Variants in PKN2 observed in about 807,000 individuals in gnomAD.
The protein encoded by PKN2 is serine/threonine-protein kinase N2.
A neutral mutation model predicts 119.1 loss-of-function variants in PKN2; 38 were observed. The observed-to-expected ratio is 0.32, with a 90% confidence interval of 0.25 to 0.42. The LOEUF is 0.42. Ranked by LOEUF, PKN2 falls within the 10% of genes least tolerant of loss-of-function variation. The pLI is 1.00. For synonymous variants in PKN2, 390 were observed against 384.9 expected (o/e 1.01, Z -0.15); for missense variants, 850 against 1,165.1 (o/e 0.73, Z 3.94).
At chr1:88,773,271 A>T (rs1328150128) in intron 6 of PKN2, among the ~76,000 whole-genome samples, 1 of 149,998 alleles carries the variant, frequency 6.7e-6, no homozygotes, top group Non-Finnish European at 1.5e-5. Context: ...TCTCACTCTC[A>T]TTGCAGCCTC....
intron 17 of PKN2, 27 bp from the exon 18 acceptor site, chr1:88,824,282 TC>T: frequency 2.5e-6 from 3 of 1,178,264 alleles, no homozygotes; most frequent in Admixed American, 2.0e-5. Context: ...TTTTTTTTTT[TC>T]ATGCTGTATC....
intron 6 of PKN2, among the ~76,000 whole-genome samples, chr1:88,778,612 C>T (rs1173129893): frequency 6.6e-6 from 1 of 152,218 alleles, no homozygotes; most frequent in African/African-American, 2.4e-5. Context: ...ATTGTTTACC[C>T]CAACTGATCC....
At chr1:88,807,274 G>A (rs1156245041) in intron 12 of PKN2, 39 bp from the exon 13 acceptor site, 2 of 1,286,642 alleles carry the variant, frequency 1.6e-6, no homozygotes, top group Non-Finnish European at 2.1e-6. Context: ...TTGTTTTCTG[G>A]GTATTTCTAT....
intron 2 of PKN2, among the ~76,000 whole-genome samples, chr1:88,752,224 ACTTACT>A (rs1363086703): frequency 6.6e-6 from 1 of 152,082 alleles, no homozygotes; most frequent in Non-Finnish European, 1.5e-5. Context: ...CCTGTATCAA[ACTTACT>A]CTTTATCAAA....
chr1:88,815,742 C>T (rs1671960872), intron 16 of PKN2, among the ~76,000 whole-genome samples: 1 of 152,094 alleles, frequency 6.6e-6, no homozygotes, highest in Non-Finnish European at 1.5e-5. Context: ...ATTAAATAAG[C>T]TAATAAATGA....
intron 8 of PKN2, among the ~76,000 whole-genome samples, chr1:88,803,787 A>G (rs1671427920): frequency 2.0e-5 from 3 of 152,182 alleles, no homozygotes; most frequent in South Asian, 2.1e-4. Context: ...ATCTTTCTGT[A>G]TAAAGCTTGG....
At chr1:88,720,350 C>T (rs542825439) in intron 1 of PKN2, among the ~76,000 whole-genome samples, 2 of 152,100 alleles carry the variant, frequency 1.3e-5, no homozygotes, top group South Asian at 2.1e-4. Context: ...CTGATATACT[C>T]GTAGGCTTCA....
At chr1:88,823,024 G>A (rs936043599) in intron 17 of PKN2, among the ~76,000 whole-genome samples, 1 of 152,216 alleles carries the variant, frequency 6.6e-6, no homozygotes, top group East Asian at 1.9e-4. Flanking sequence ...TTTGAGACCC[G>A]CCTGGGCAAC....
At chr1:88,731,203 G>C (rs1668132707) in intron 1 of PKN2, among the ~76,000 whole-genome samples, 1 of 152,180 alleles carries the variant, frequency 6.6e-6, no homozygotes, top group South Asian at 2.1e-4. Flanking sequence ...AAGCAAACAG[G>C]TACAGATAAG....
intron 8 of PKN2, among the ~76,000 whole-genome samples, chr1:88,790,660 C>G (rs1318542198): frequency 6.6e-6 from 1 of 151,922 alleles, no homozygotes; most frequent in Non-Finnish European, 1.5e-5. Flanking sequence ...ACTTGGGTAT[C>G]TTTCATTCTT....
chr1:88,823,478 G>A (rs1389415975), intron 17 of PKN2, among the ~76,000 whole-genome samples: 1 of 151,952 alleles, frequency 6.6e-6, no homozygotes, highest in Non-Finnish European at 1.5e-5. Flanking sequence ...GAGGCAGGTG[G>A]ATCACCTGAG....
intron 1 of PKN2, among the ~76,000 whole-genome samples, chr1:88,739,164 G>A (rs1310056243): frequency 2.6e-5 from 4 of 151,852 alleles, no homozygotes; most frequent in South Asian, 2.1e-4. Flanking sequence ...TTTTGTTGGC[G>A]TTTCAAAGGA....
In PKN2 at chr1:88,835,715, C is replaced by T. The variant is rs1177565171; in HGVS notation, c.*2267C>T. 6.6e-6 allele frequency: 1 copy of T among 152,292 alleles called. No homozygotes were observed. The highest frequency in any genetic ancestry group is 1.9e-4 in the East Asian group (1 of 5,198). 9.4% of individuals were successfully genotyped at this position (152,292 alleles called of 1,614,324 possible). On this transcript the variant is annotated 3_prime_UTR_variant, in exon 22 of 22. Coordinates refer to ENST00000370521, the MANE Select transcript of PKN2 (RefSeq NM_006256.4). ...ATGCATTCAAATGAAATGTGCCTTT[C>T]ACTATGTCATTCTAAGAAAACAAGT...
At chr1:88,690,114 A>G (rs1413987261) in intron 1 of PKN2, among the ~76,000 whole-genome samples, 1 of 152,190 alleles carries the variant, frequency 6.6e-6, no homozygotes, top group Non-Finnish European at 1.5e-5. Context: ...GATTAGGTCT[A>G]GTATCATGCA....
At chr1:88,768,670 T>C (rs1471997232) in intron 3 of PKN2, among the ~76,000 whole-genome samples, 1 of 152,224 alleles carries the variant, frequency 6.6e-6, no homozygotes, top group Admixed American at 6.5e-5. Flanking sequence ...ATTGACATCT[T>C]CGAGTAGGTC....
intron 17 of PKN2, among the ~76,000 whole-genome samples, chr1:88,823,332 C>T (rs1024713407): frequency 6.6e-6 from 1 of 152,106 alleles, no homozygotes; most frequent in African/African-American, 2.4e-5. Context: ...AAGATGAAAC[C>T]TGCCCTCTGA....
intron 1 of PKN2, among the ~76,000 whole-genome samples, chr1:88,706,556 T>TA (rs1208198965): frequency 1.3e-5 from 2 of 152,304 alleles, no homozygotes; most frequent in African/African-American, 4.8e-5. Context: ...TTGTTCCTGA[T>TA]ATTAGGGAGA....
intron 6 of PKN2, among the ~76,000 whole-genome samples, chr1:88,781,414 A>ACAGCTACTCG (rs1557606851): frequency 2.0e-5 from 3 of 151,850 alleles, no homozygotes; most frequent in African/African-American, 2.4e-5. Flanking sequence ...ATACTGAATT[A>ACAGCTACTCG]GTGAAATAGG....
chr1:88,698,515 T>C (rs17130579), intron 1 of PKN2, among the ~76,000 whole-genome samples: 18,441 of 152,226 alleles, frequency 0.12, 2,408 homozygotes, highest in African/African-American at 0.33. Context: ...CCAAGTGCTT[T>C]GTTATATAAT....
Sources: gnomAD v4.1 joint callset for allele counts (sites outside exome capture counted in the v4.1 genomes callset) on GRCh38, gnomAD v4.1.1 for gene constraint, MANE v1.5 for transcripts, NCBI Gene and HGNC (gene_info 2026-07-23, HGNC 2026-07-21) for gene names.